Variants in MAGI2 observed in about 807,000 individuals in gnomAD.
MAGI2 encodes the protein membrane-associated guanylate kinase, WW and PDZ domain-containing protein 2.
MAGI2 carries 35 observed loss-of-function variants against 133.3 expected under a neutral mutation model. The observed-to-expected ratio is 0.26, with a 90% CI of 0.20 to 0.35. The LOEUF (loss-of-function observed/expected upper bound fraction) is 0.35. MAGI2 is among the 10% of genes least tolerant of loss of function. MAGI2 has a pLI of 1.00. For synonymous variants in MAGI2, 729 were observed against 710.6 expected, an observed-to-expected ratio of 1.03 and a Z score of -0.41; for missense variants, 1,636 against 1,863.4, an observed-to-expected ratio of 0.88 and a Z score of 2.25.
intron 5 of MAGI2, among the ~76,000 whole-genome samples, chr7:78,494,737 G>C (rs572863363): frequency 6.6e-6 from 1 of 152,154 alleles, no homozygotes; most frequent in South Asian, 2.1e-4. Flanking sequence ...TTTTCTTAGT[G>C]AAATGAAAAG....
At chr7:78,400,736 C>T (rs1285614369) in intron 6 of MAGI2, among the ~76,000 whole-genome samples, 3 of 152,160 alleles carry the variant, frequency 2.0e-5, no homozygotes, top group African/African-American at 7.2e-5. Context: ...TGACATGTGA[C>T]ATCATTATCC....
At chr7:78,705,604 T>A in intron 2 of MAGI2, among the ~76,000 whole-genome samples, 1 of 152,234 alleles carries the variant, frequency 6.6e-6, no homozygotes, top group East Asian at 1.9e-4. Flanking sequence ...GAGAAGAAGC[T>A]GATTCCAGTG....
At chr7:78,925,987 G>A (rs938868016) in intron 2 of MAGI2, among the ~76,000 whole-genome samples, 3 of 151,956 alleles carry the variant, frequency 2.0e-5, no homozygotes, top group African/African-American at 7.2e-5. Context: ...CCTAGTCACT[G>A]TTTTTGACTA....
chr7:78,092,294 A>C (rs1326285381), intron 20 of MAGI2, among the ~76,000 whole-genome samples: 1 of 152,228 alleles, frequency 6.6e-6, no homozygotes. Flanking sequence ...CAATGAGTGC[A>C]TGGATTATAC....
intron 1 of MAGI2, among the ~76,000 whole-genome samples, chr7:79,341,602 A>G (rs1251788141): frequency 1.3e-5 from 2 of 152,194 alleles, no homozygotes; most frequent in African/African-American, 4.8e-5. Context: ...TAGAAAGGTG[A>G]TAGTTCATAA....
At chr7:78,166,929 A>G (rs927629915) in intron 15 of MAGI2, among the ~76,000 whole-genome samples, 2 of 152,150 alleles carry the variant, frequency 1.3e-5, no homozygotes, top group African/African-American at 4.8e-5. Context: ...CTCACTGTGG[A>G]CTGCTGGGCA....
chr7:78,045,276 G>T (rs1811307151), intron 21 of MAGI2, among the ~76,000 whole-genome samples: 1 of 152,026 alleles, frequency 6.6e-6, no homozygotes, highest in South Asian at 2.1e-4. Flanking sequence ...GACAGCAACA[G>T]CCATTTAATG....
chr7:78,407,949 A>T (rs1797538224), intron 6 of MAGI2, among the ~76,000 whole-genome samples: 1 of 151,922 alleles, frequency 6.6e-6, no homozygotes, highest in Non-Finnish European at 1.5e-5. Flanking sequence ...ACTTTGTTGC[A>T]GGAAATAAGC....
intron 1 of MAGI2, among the ~76,000 whole-genome samples, chr7:79,266,253 A>AC (rs1231364959): frequency 1.8e-4 from 3 of 16,918 alleles, no homozygotes; most frequent in African/African-American, 6.7e-4. Context: ...CCCCACCCCC[A>AC]CCCCCACCCT....
In MAGI2 at chr7:79,452,032, A is replaced by G. The variant is rs973942383; in HGVS notation, c.301+988T>C. Among the ~76,000 whole-genome samples, 18 of 152,026 alleles carry G rather than the reference A, an allele frequency of 1.2e-4. 1 individual carries two copies. The highest frequency in any genetic ancestry group is 2.5e-4 in the Non-Finnish European group (17 of 68,016). On this transcript the variant is annotated intron_variant, in intron 1 of 21. Coordinates refer to ENST00000354212, the MANE Select transcript of MAGI2 (RefSeq NM_012301.4). The stretch of plus-strand genomic sequence containing the variant: ...ATTCCAATCTCCCCAAATCCACATC[A>G]CAGCCTCCAATTGAGGTTCATTTAA...
At position 79,077,586 on chromosome 7, in the gene MAGI2, AAAAAAAAAATAAATAAAT is replaced by A. The variant is rs1220526083; in HGVS notation, c.302-70398_302-70381del. 9.3e-4 allele frequency among the ~76,000 whole-genome samples: 126 copies of A among 135,566 alleles called. 13 individuals are homozygous for A. Among genetic ancestry groups the A allele is most frequent in the African/African-American group, 3.3e-3 (121 of 36,606 alleles). 88.9% of individuals were successfully genotyped at this position (135,566 alleles called of 152,430 possible). ...CGAGACTGCCTCTCAAAAAAAAAAA[AAAAAAAAAATAAATAAAT>A]AAATAAATTCCCTTTTGCTTAACTA... On this transcript the variant is annotated intron_variant, in intron 1 of 21. Transcript: ENST00000354212.
intron 6 of MAGI2, among the ~76,000 whole-genome samples, chr7:78,434,076 C>T (rs955373442): frequency 6.6e-6 from 1 of 152,106 alleles, no homozygotes; most frequent in African/African-American, 2.4e-5. Flanking sequence ...TCCACATGCT[C>T]TCTTTTTTTC....
chr7:78,527,440 T>C (rs1797074315), intron 3 of MAGI2, among the ~76,000 whole-genome samples: 1 of 152,224 alleles, frequency 6.6e-6, no homozygotes, highest in Non-Finnish European at 1.5e-5. Flanking sequence ...TTTTTTCACA[T>C]TGATTTAGTG....
intron 1 of MAGI2, among the ~76,000 whole-genome samples, chr7:79,337,787 A>C (rs1840548916): frequency 6.6e-6 from 1 of 152,128 alleles, no homozygotes; most frequent in Non-Finnish European, 1.5e-5. Context: ...CTAATCTCTG[A>C]CTAAAAGACA....
intron 2 of MAGI2, among the ~76,000 whole-genome samples, chr7:78,647,067 T>C (rs546940283): frequency 1.3e-5 from 2 of 152,310 alleles, no homozygotes; most frequent in African/African-American, 2.4e-5. Context: ...CAAACAATTC[T>C]ATTTCTAGGA....
rs1562865650 is a variant in MAGI2, at chr7:79,077,603, ATAAAT to A, written c.302-70402_302-70398del. Among the ~76,000 whole-genome samples the A allele has an allele frequency of 5.0e-5, 4 of 80,044 alleles. 1 individual carries two copies. The highest frequency in any genetic ancestry group is 2.6e-4 in the East Asian group (1 of 3,856). 52.5% of individuals were successfully genotyped at this position (80,044 alleles called of 152,430 possible). A position where few individuals can be genotyped will look rare whatever the true frequency, so the allele number is the denominator to read the frequency against. On this transcript the variant is annotated intron_variant, in intron 1 of 21. Transcript: ENST00000354212. ...AAAAAAAAAAAAAAAAAATAAATAA[ATAAAT>A]AAATTCCCTTTTGCTTAACTAGAGT...
chr7:78,249,195 C>G (rs1254461563), intron 10 of MAGI2, among the ~76,000 whole-genome samples: 1 of 151,794 alleles, frequency 6.6e-6, no homozygotes, highest in Non-Finnish European at 1.5e-5. Flanking sequence ...TAGCTATTAG[C>G]AAAAAGACAA....
chr7:78,365,070 A>G (rs1300887058), intron 7 of MAGI2, among the ~76,000 whole-genome samples: 1 of 152,108 alleles, frequency 6.6e-6, no homozygotes, highest in Non-Finnish European at 1.5e-5. Flanking sequence ...TGTTGCCTCT[A>G]CTAATCCAAA....
At chr7:78,933,272 A>T (rs978735940) in intron 2 of MAGI2, among the ~76,000 whole-genome samples, 4 of 152,130 alleles carry the variant, frequency 2.6e-5, no homozygotes, top group Admixed American at 2.0e-4. Context: ...TGACTTTATT[A>T]ATTTAGCCAT....
Sources: gnomAD v4.1 joint callset for allele counts (sites outside exome capture counted in the v4.1 genomes callset) on GRCh38, gnomAD v4.1.1 for gene constraint, MANE v1.5 for transcripts, NCBI Gene and HGNC (gene_info 2026-07-23, HGNC 2026-07-21) for gene names.